The following PARP15 variants were observed in gnomAD, a reference collection of about 807,000 sequenced individuals.
The protein encoded by PARP15 is protein mono-ADP-ribosyltransferase PARP15.
A neutral mutation model predicts 62.1 loss-of-function variants in PARP15; 50 were observed. That is an observed-to-expected ratio of 0.81 (90% CI 0.64 to 1.02). PARP15 has a LOEUF of 1.02. PARP15 is among the 50% of genes least tolerant of loss of function. PARP15 has a pLI of 0.00. For synonymous variants in PARP15, 309 were observed against 293.1 expected, an observed-to-expected ratio of 1.05 and a Z score of -0.55; for missense variants, 820 against 826.5, an observed-to-expected ratio of 0.99 and a Z score of 0.10.
chr3:122,625,715 C>T (rs1182559540), intron 8 of PARP15, among the ~76,000 whole-genome samples: 1 of 152,162 alleles, frequency 6.6e-6, no homozygotes, highest in East Asian at 1.9e-4. Flanking sequence ...TACGGGTCAA[C>T]CTTGCTGATA....
In PARP15 at chr3:122,619,844, G is replaced by C; in HGVS notation, c.1063+1G>C. On this transcript the variant is annotated splice_donor_variant, in intron 7 of 11. Transcript: ENST00000464300. LOFTEE classifies it high-confidence loss of function. ...GTGGAAAGTGAATGTGCTGTACTAG[G>C]TATGGGCACATGTTACTTTTGACTA... The C allele has an allele frequency of 6.2e-7, 1 of 1,611,540 alleles. No homozygotes were observed. Among genetic ancestry groups the C allele is most frequent in the Non-Finnish European group, 8.5e-7 (1 of 1,177,640 alleles).
At chr3:122,591,752 G>A (rs977810849) in intron 1 of PARP15, among the ~76,000 whole-genome samples, 1 of 102,582 alleles carries the variant, frequency 9.7e-6, no homozygotes, top group East Asian at 3.1e-4. Context: ...GTGACAGAGC[G>A]AGACTCTGTC....
At chr3:122,632,013 C>T in intron 9 of PARP15, 73 bp from the exon 10 acceptor site, 1 of 1,557,052 alleles carries the variant, frequency 6.4e-7, no homozygotes, top group East Asian at 2.2e-5. Context: ...GAGACAAGTG[C>T]AGAGGAGGTG....
At position 122,636,488 on chromosome 3, in the gene PARP15, A is replaced by C. The variant is rs1300152348; in HGVS notation, c.*388A>C. On this transcript the variant is annotated 3_prime_UTR_variant, in exon 12 of 12. Coordinates refer to ENST00000464300, the MANE Select transcript of PARP15 (RefSeq NM_001113523.3). The stretch of plus-strand genomic sequence containing the variant: ...GGTGGCGGGTTAAACTGTACTGCTT[A>C]AGTGGAGCGGCTACCGTTATGCATC... 1 of 192,546 alleles carries C rather than the reference A, an allele frequency of 5.2e-6. No individual in the cohort carries two copies. Among genetic ancestry groups the C allele is most frequent in the Non-Finnish European group, 1.1e-5 (1 of 91,814 alleles). 11.9% of individuals were successfully genotyped at this position (192,546 alleles called of 1,614,324 possible). A position where few individuals can be genotyped will look rare whatever the true frequency, so the allele number is the denominator to read the frequency against.
intron 1 of PARP15, among the ~76,000 whole-genome samples, chr3:122,601,729 C>A (rs1934811945): frequency 1.3e-5 from 2 of 152,194 alleles, no homozygotes; most frequent in South Asian, 4.1e-4. Flanking sequence ...TTTATTGCTT[C>A]CAGAAACATT....
At chr3:122,621,392 T>A in intron 7 of PARP15, 52 bp from the exon 8 acceptor site, 2 of 1,528,958 alleles carry the variant, frequency 1.3e-6, no homozygotes, top group Non-Finnish European at 1.8e-6. Flanking sequence ...ATCAAAGTGT[T>A]GCCTCCAGTA....
intron 8 of PARP15, among the ~76,000 whole-genome samples, chr3:122,624,435 C>T (rs1270387770): frequency 6.6e-6 from 1 of 152,180 alleles, no homozygotes; most frequent in Non-Finnish European, 1.5e-5. Flanking sequence ...GGCAGCCTCT[C>T]TGCTCTGGGG....
intron 8 of PARP15, among the ~76,000 whole-genome samples, chr3:122,624,966 C>A (rs1245841747): frequency 2.0e-5 from 3 of 152,004 alleles, no homozygotes; most frequent in Non-Finnish European, 4.4e-5. Flanking sequence ...AGGTTCAAAG[C>A]CATGCAGCCT....
intron 8 of PARP15, among the ~76,000 whole-genome samples, chr3:122,621,849 A>G (rs1936371285): frequency 6.6e-6 from 1 of 152,128 alleles, no homozygotes; most frequent in Non-Finnish European, 1.5e-5. Context: ...CCCAGGCTGG[A>G]GTGCAGTGGT....
At chr3:122,624,947 A>C (rs1358011596) in intron 8 of PARP15, among the ~76,000 whole-genome samples, 1 of 152,130 alleles carries the variant, frequency 6.6e-6, no homozygotes, top group Admixed American at 6.5e-5. Context: ...TCAACCTAGC[A>C]ACAGAGCTAG....
Position 122,599,191 on chromosome 3 carries a change from C to T in PARP15, c.187-6745C>T, listed in dbSNP as rs560184580. ...GATTACAGGCGTGAGCCACCACACC[C>T]AGCCTGTCCTTTAGAATTCCAAATG... On this transcript the variant is annotated intron_variant, in intron 1 of 11. Transcript: ENST00000464300. Among the ~76,000 whole-genome samples, 4 of 152,324 alleles carry T rather than the reference C, an allele frequency of 2.6e-5. No homozygotes were observed. The South Asian group carries it at 8.3e-4, about 32-fold the overall frequency.
At position 122,636,525 on chromosome 3, in the gene PARP15, G is replaced by C. The variant is rs1937383656; in HGVS notation, c.*425G>C. 1 of 162,566 alleles carries C rather than the reference G, an allele frequency of 6.2e-6. No homozygotes were observed. 10.1% of individuals were successfully genotyped at this position (162,566 alleles called of 1,614,324 possible). On this transcript the variant is annotated 3_prime_UTR_variant, in exon 12 of 12. Coordinates refer to ENST00000464300, the MANE Select transcript of PARP15 (RefSeq NM_001113523.3). ...TACCGTTATGCATCTATCACAGTTG[G>C]GGATTTTGCCTTATTAAGGAAAACT...
chr3:122,584,342 C>T (rs1202663656), intron 1 of PARP15, among the ~76,000 whole-genome samples: 1 of 152,082 alleles, frequency 6.6e-6, no homozygotes, highest in Non-Finnish European at 1.5e-5. Flanking sequence ...ATGTCACCTT[C>T]AAGTGAAGAC....
At chr3:122,634,184 C>T (rs894946687) in intron 10 of PARP15, among the ~76,000 whole-genome samples, 5 of 152,214 alleles carry the variant, frequency 3.3e-5, no homozygotes, top group South Asian at 4.1e-4. Flanking sequence ...TCTCAGATTT[C>T]CTCCTCCTTC....
At chr3:122,629,481 A>T (rs1431846802) in intron 9 of PARP15, among the ~76,000 whole-genome samples, 2 of 152,146 alleles carry the variant, frequency 1.3e-5, no homozygotes, top group Non-Finnish European at 2.9e-5. Flanking sequence ...TTTATCCTGA[A>T]CTACCAGGAA....
chr3:122,577,717 C>CGACCCCCA lies in PARP15; in HGVS notation c.53_60dup (p.Glu21ProfsTer63). On this transcript the variant is annotated frameshift_variant, in exon 1 of 12. Coordinates refer to ENST00000464300, the MANE Select transcript of PARP15 (RefSeq NM_001113523.3). LOFTEE classifies it high-confidence loss of function. ...GCCGCTGCTCTGAGTCCAGGGGCTC[C>CGACCCCCA]GACCCCCAGAGAACTTATGCACGGA... The CGACCCCCA allele has an allele frequency of 2.6e-6, 4 of 1,551,684 alleles. No homozygotes were observed. The highest frequency in any genetic ancestry group is 3.5e-6 in the Non-Finnish European group (4 of 1,146,982).
At chr3:122,623,968 A>G (rs936477417) in intron 8 of PARP15, among the ~76,000 whole-genome samples, 1 of 152,134 alleles carries the variant, frequency 6.6e-6, no homozygotes, top group African/African-American at 2.4e-5. Context: ...CCTGGCCAAC[A>G]TGTTGAAACC....
intron 1 of PARP15, among the ~76,000 whole-genome samples, chr3:122,588,118 A>T (rs1210997059): frequency 6.6e-6 from 1 of 152,118 alleles, no homozygotes; most frequent in Non-Finnish European, 1.5e-5. Context: ...TTATCTTTTT[A>T]AAAATATCTA....
chr3:122,633,403 G>A (rs1344435867), intron 10 of PARP15, among the ~76,000 whole-genome samples: 4 of 152,196 alleles, frequency 2.6e-5, no homozygotes, highest in African/African-American at 9.7e-5. Flanking sequence ...AAAGCTGTTG[G>A]AAGTACAGTC....
Sources: allele counts gnomAD v4.1 joint callset (sites outside exome capture counted in the v4.1 genomes callset), GRCh38; gene constraint gnomAD v4.1.1; transcripts MANE v1.5; gene names NCBI Gene and HGNC (gene_info 2026-07-23, HGNC 2026-07-21).